The following CNTNAP5 variants were observed in gnomAD, a reference collection of about 807,000 sequenced individuals.
CNTNAP5 encodes contactin-associated protein-like 5.
Under a neutral mutation model 150.2 loss-of-function variants are expected in CNTNAP5, and 72 were observed. That is an observed-to-expected ratio of 0.48 (90% CI 0.40 to 0.58). The LOEUF (loss-of-function observed/expected upper bound fraction) is 0.58. Ranked by LOEUF, CNTNAP5 falls within the 20% of genes least tolerant of loss-of-function variation. The pLI is 0.00. For synonymous variants in CNTNAP5, 672 were observed against 619.8 expected, an observed-to-expected ratio of 1.08 and a Z score of -1.25; for missense variants, 1,636 against 1,626.2, an observed-to-expected ratio of 1.01 and a Z score of -0.10.
At chr2:124,121,633 G>A (rs899158487) in intron 1 of CNTNAP5, among the ~76,000 whole-genome samples, 1 of 152,082 alleles carries the variant, frequency 6.6e-6, no homozygotes, top group Non-Finnish European at 1.5e-5. Context: ...GGCTTTAAGA[G>A]GCTACAAATG....
intron 12 of CNTNAP5, among the ~76,000 whole-genome samples, chr2:124,644,399 G>A (rs1417222852): frequency 3.3e-5 from 5 of 152,066 alleles, no homozygotes; most frequent in Non-Finnish European, 7.4e-5. Context: ...AAATATTATG[G>A]CAATAATATT....
At chr2:124,750,629 G>A (rs1384969739) in intron 14 of CNTNAP5, among the ~76,000 whole-genome samples, 1 of 152,078 alleles carries the variant, frequency 6.6e-6, no homozygotes, top group African/African-American at 2.4e-5. Flanking sequence ...TCAGAACACT[G>A]GAAAGAAAAT....
intron 3 of CNTNAP5, among the ~76,000 whole-genome samples, chr2:124,346,858 G>A (rs1014184976): frequency 5.5e-5 from 8 of 144,892 alleles, no homozygotes; most frequent in African/African-American, 2.1e-4. Flanking sequence ...ATCACCTGAG[G>A]TCAAGAGTTC....
At chr2:124,674,511 C>T (rs1553430163) in intron 13 of CNTNAP5, among the ~76,000 whole-genome samples, 3 of 83,794 alleles carry the variant, frequency 3.6e-5, no homozygotes, top group African/African-American at 8.0e-5. Flanking sequence ...CTTTCTTTCT[C>T]TTTCTTTCTT....
intron 3 of CNTNAP5, among the ~76,000 whole-genome samples, chr2:124,319,317 G>A (rs1032834683): frequency 6.6e-6 from 1 of 152,148 alleles, no homozygotes; most frequent in African/African-American, 2.4e-5. Context: ...AAAAAAAAAT[G>A]TATGTAAACA....
At chr2:124,747,042 C>T (rs567169059) in intron 13 of CNTNAP5, among the ~76,000 whole-genome samples, 187 bp from the exon 14 acceptor site, 5 of 151,352 alleles carry the variant, frequency 3.3e-5, no homozygotes, top group Non-Finnish European at 5.9e-5. Flanking sequence ...AATGAGATAA[C>T]GAAACAAAGA....
chr2:124,903,357 T>C (rs1165278559), intron 22 of CNTNAP5, among the ~76,000 whole-genome samples: 1 of 152,148 alleles, frequency 6.6e-6, no homozygotes, highest in African/African-American at 2.4e-5. Context: ...TATAATGCAT[T>C]GTGTATGTGT....
chr2:124,590,645 C>T (rs1245408811), intron 11 of CNTNAP5, among the ~76,000 whole-genome samples: 1 of 152,092 alleles, frequency 6.6e-6, no homozygotes, highest in Non-Finnish European at 1.5e-5. Context: ...CTATTGATGT[C>T]CGTAGGCTGT....
chr2:124,220,784 G>A (rs1182739400), intron 1 of CNTNAP5, among the ~76,000 whole-genome samples: 1 of 152,060 alleles, frequency 6.6e-6, no homozygotes, highest in Admixed American at 6.6e-5. Context: ...AGTGAGGGTG[G>A]AGCCCTCACA....
intron 13 of CNTNAP5, among the ~76,000 whole-genome samples, chr2:124,742,651 C>CACAT (rs1018060308): frequency 4.1e-5 from 4 of 97,254 alleles, no homozygotes; most frequent in East Asian, 4.3e-4. Flanking sequence ...CACACACACA[C>CACAT]ATATATATAT....
intron 20 of CNTNAP5, among the ~76,000 whole-genome samples, chr2:124,868,700 G>A (rs577397294): frequency 1.3e-5 from 2 of 152,230 alleles, no homozygotes; most frequent in African/African-American, 2.4e-5. Context: ...GAGGAGGGTC[G>A]TTCTGAGCAG....
chr2:124,904,202 T>G (rs1480337198), intron 22 of CNTNAP5, among the ~76,000 whole-genome samples: 2 of 152,126 alleles, frequency 1.3e-5, no homozygotes, highest in Non-Finnish European at 2.9e-5. Flanking sequence ...CTTTTTTAGA[T>G]TCCACATATA....
chr2:124,037,962 A>G (rs1681270801), intron 1 of CNTNAP5, among the ~76,000 whole-genome samples: 2 of 152,240 alleles, frequency 1.3e-5, no homozygotes, highest in African/African-American at 4.8e-5. Flanking sequence ...TATTCCTGAC[A>G]CTAAGATAAT....
chr2:124,333,883 G>A (rs563802855), intron 3 of CNTNAP5, among the ~76,000 whole-genome samples: 13 of 152,274 alleles, frequency 8.5e-5, no homozygotes, highest in African/African-American at 1.7e-4. Flanking sequence ...GAATTTGCCC[G>A]CTGCATAATG....
At chr2:124,750,982 C>CA (rs745635606) in intron 14 of CNTNAP5, among the ~76,000 whole-genome samples, 7,115 of 74,648 alleles carry the variant, frequency 0.095, 338 homozygotes, top group East Asian at 0.16. Flanking sequence ...GACTCCATCT[C>CA]AAAAAAAAAA....
At chr2:124,597,424 A>C (rs1317831184) in intron 11 of CNTNAP5, among the ~76,000 whole-genome samples, 1 of 148,190 alleles carries the variant, frequency 6.7e-6, no homozygotes, top group Non-Finnish European at 1.5e-5. Context: ...CTGGATATGA[A>C]ATTCTGGGTT....
chr2:124,212,878 A>G (rs1344603048), intron 1 of CNTNAP5, among the ~76,000 whole-genome samples: 1 of 114,474 alleles, frequency 8.7e-6, no homozygotes, highest in Non-Finnish European at 1.6e-5. Flanking sequence ...TTGCTCTGTC[A>G]CCCAGGCTAG....
chr2:124,316,148 T>G (rs553903346), intron 3 of CNTNAP5, among the ~76,000 whole-genome samples: 227 of 152,120 alleles, frequency 1.5e-3, no homozygotes, highest in African/African-American at 5.2e-3. Flanking sequence ...CCAGCAGGAG[T>G]TGGGGATTCT....
chr2:124,386,001 T>C (rs1413991164), intron 3 of CNTNAP5, among the ~76,000 whole-genome samples: 1 of 152,142 alleles, frequency 6.6e-6, no homozygotes, highest in Non-Finnish European at 1.5e-5. Context: ...TCGATGTTTG[T>C]TGAATGAATT....
Sources: gnomAD v4.1 joint callset for allele counts (sites outside exome capture counted in the v4.1 genomes callset) on GRCh38, gnomAD v4.1.1 for gene constraint, MANE v1.5 for transcripts, NCBI Gene and HGNC (gene_info 2026-07-23, HGNC 2026-07-21) for gene names.